Variants in SLC25A26 observed in about 807,000 individuals in gnomAD.
The protein encoded by SLC25A26 is solute carrier family 25 member 26.
Under a neutral mutation model 37.8 loss-of-function variants are expected in SLC25A26, and 36 were observed. That is an observed-to-expected ratio of 0.95 (90% CI 0.73 to 1.26). The LOEUF (loss-of-function observed/expected upper bound fraction) is 1.26, where lower values mean the gene tolerates loss of function less well. SLC25A26 is among the 50% of genes most tolerant of loss of function. SLC25A26 has a pLI of 0.00. For missense variants in SLC25A26, 390 were observed against 331.1 expected, an observed-to-expected ratio of 1.18 and a Z score of -1.38; for synonymous variants, 129 against 122.5, an observed-to-expected ratio of 1.05 and a Z score of -0.35.
chr3:66,302,219 A>G (rs1481946373), intron 5 of SLC25A26, among the ~76,000 whole-genome samples: 2 of 152,146 alleles, frequency 1.3e-5, no homozygotes. Flanking sequence ...TGCTCTTACA[A>G]TCTCTAGACC....
chr3:66,362,845 T>C lies in SLC25A26; in HGVS notation c.499-15T>C. On this transcript the variant is annotated splice_polypyrimidine_tract_variant and intron_variant, in intron 6 of 9. Coordinates refer to ENST00000354883, the MANE Select transcript of SLC25A26 (RefSeq NM_001379210.1). ...ATATTTAATAACTTGTATTTTTCTT[T>C]CTCCTTAAACACAGGCCCTCTGGTC... The C allele has an allele frequency of 6.4e-7, 1 of 1,564,728 alleles. No homozygotes were observed.
chr3:66,150,914 G>C (rs973333022), intron 1 of SLC25A26, among the ~76,000 whole-genome samples: 1 of 151,738 alleles, frequency 6.6e-6, no homozygotes, highest in African/African-American at 2.4e-5. Context: ...TCTTTCCTTT[G>C]GGGTCCCTTT....
chr3:66,176,271 GA>G (rs1253226146), intron 1 of SLC25A26, among the ~76,000 whole-genome samples: 1 of 152,156 alleles, frequency 6.6e-6, no homozygotes, highest in South Asian at 2.1e-4. Context: ...AGTTCTTTAA[GA>G]AAAAAATATT....
intron 1 of SLC25A26, among the ~76,000 whole-genome samples, chr3:66,181,780 CTTTTT>C (rs922019884): frequency 2.8e-4 from 27 of 97,052 alleles, no homozygotes; most frequent in African/African-American, 8.2e-4. Context: ...CTCCCCTTGT[CTTTTT>C]TTTTTTTTTT....
chr3:66,338,434 T>G (rs2107706606), intron 5 of SLC25A26, among the ~76,000 whole-genome samples: 1 of 152,114 alleles, frequency 6.6e-6, no homozygotes, highest in South Asian at 2.1e-4. Flanking sequence ...CCATATCCTT[T>G]CAGTTGTTTG....
intron 3 of SLC25A26, among the ~76,000 whole-genome samples, chr3:66,249,773 C>G (rs1474896106): frequency 6.6e-6 from 1 of 152,044 alleles, no homozygotes; most frequent in Non-Finnish European, 1.5e-5. Flanking sequence ...ACATGGCTGC[C>G]CTGAGCCACA....
At position 66,368,473 on chromosome 3, in the gene SLC25A26, GA is replaced by G. The variant is rs1476921005; in HGVS notation, c.569-1003del. 9.2e-5 allele frequency among the ~76,000 whole-genome samples: 14 copies of G among 152,294 alleles called. No individual in the cohort carries two copies. In the East Asian group the frequency reaches 2.7e-3, roughly 29 times the overall value. ...ACGCAAACATGAGAGAGAAGGTTAG[GA>G]AGGAAGCCATAATGTGGAATGTGTG... On this transcript the variant is annotated intron_variant, in intron 7 of 9. Coordinates refer to ENST00000354883, the MANE Select transcript of SLC25A26 (RefSeq NM_001379210.1).
chr3:66,271,175 C>A (rs2073945722), intron 5 of SLC25A26, among the ~76,000 whole-genome samples: 1 of 152,068 alleles, frequency 6.6e-6, no homozygotes, highest in Admixed American at 6.6e-5. Flanking sequence ...GGTTTTCATC[C>A]CATGTGAAAT....
At chr3:66,284,627 G>A (rs1347974482) in intron 5 of SLC25A26, among the ~76,000 whole-genome samples, 1 of 151,962 alleles carries the variant, frequency 6.6e-6, no homozygotes, top group Non-Finnish European at 1.5e-5. Flanking sequence ...ATAATACACA[G>A]TAGTGTAAAA....
At chr3:66,306,196 G>A (rs1044363077) in intron 5 of SLC25A26, among the ~76,000 whole-genome samples, 1 of 152,132 alleles carries the variant, frequency 6.6e-6, no homozygotes, top group African/African-American at 2.4e-5. Context: ...TGGCCAGGCT[G>A]GTTTCAAACT....
At chr3:66,279,921 T>C (rs913100553) in intron 5 of SLC25A26, among the ~76,000 whole-genome samples, 1 of 152,198 alleles carries the variant, frequency 6.6e-6, no homozygotes, top group Non-Finnish European at 1.5e-5. Context: ...ACAAAATTTA[T>C]TATCCTTCAC....
intron 5 of SLC25A26, among the ~76,000 whole-genome samples, chr3:66,342,272 G>A (rs1238598990): frequency 6.6e-6 from 1 of 152,132 alleles, no homozygotes; most frequent in Non-Finnish European, 1.5e-5. Flanking sequence ...TATTGCTAGA[G>A]AGTTCTGGGT....
intron 1 of SLC25A26, among the ~76,000 whole-genome samples, chr3:66,171,240 A>G (rs567208331): frequency 1.1e-3 from 162 of 152,274 alleles, no homozygotes; most frequent in African/African-American, 3.7e-3. Context: ...GTAAACTGAG[A>G]TTGGAATGCA....
intron 5 of SLC25A26, among the ~76,000 whole-genome samples, chr3:66,297,800 C>T (rs2074952473): frequency 6.6e-6 from 1 of 152,164 alleles, no homozygotes; most frequent in Non-Finnish European, 1.5e-5. Flanking sequence ...TTATCTGACT[C>T]TTTACAGAAA....
chr3:66,250,736 G>T (rs944131099), intron 3 of SLC25A26, among the ~76,000 whole-genome samples: 15 of 152,100 alleles, frequency 9.9e-5, no homozygotes, highest in African/African-American at 3.6e-4. Flanking sequence ...GGAAGGAGGG[G>T]TTGGTTTTCT....
intron 5 of SLC25A26, among the ~76,000 whole-genome samples, chr3:66,268,799 C>T (rs2073853434): frequency 6.6e-6 from 1 of 152,198 alleles, no homozygotes; most frequent in South Asian, 2.1e-4. Context: ...GCTCTTGAGA[C>T]TGAGAGAGTT....
At chr3:66,366,115 G>A (rs891750635) in intron 7 of SLC25A26, among the ~76,000 whole-genome samples, 19 of 152,160 alleles carry the variant, frequency 1.2e-4, no homozygotes, top group Admixed American at 5.9e-4. Flanking sequence ...TCCTGTCCTC[G>A]AAAGCAGTTA....
chr3:66,298,597 G>T (rs2074978531), intron 5 of SLC25A26, among the ~76,000 whole-genome samples: 1 of 152,148 alleles, frequency 6.6e-6, no homozygotes, highest in Non-Finnish European at 1.5e-5. Flanking sequence ...CATTTAAGGG[G>T]CACAGCAGCC....
chr3:66,224,477 G>A (rs782525205), intron 1 of SLC25A26, among the ~76,000 whole-genome samples: 1 of 152,142 alleles, frequency 6.6e-6, no homozygotes, highest in Admixed American at 6.5e-5. Context: ...AAGAGCAAGG[G>A]AAAGACCTGC....
Sources: allele counts gnomAD v4.1 joint callset (sites outside exome capture counted in the v4.1 genomes callset), GRCh38; gene constraint gnomAD v4.1.1; transcripts MANE v1.5; gene names NCBI Gene and HGNC (gene_info 2026-07-23, HGNC 2026-07-21).